CCDC68: variants seen among roughly 807,000 people sequenced by gnomAD.
The protein encoded by CCDC68 is coiled-coil domain-containing protein 68.
A neutral mutation model predicts 47.1 loss-of-function variants in CCDC68; 45 were observed. That is an observed-to-expected ratio of 0.96 (90% CI 0.75 to 1.23). The LOEUF is 1.23. CCDC68 is among the 50% of genes most tolerant of loss of function. The pLI is 0.00. For synonymous variants in CCDC68, 131 were observed against 129.5 expected (o/e 1.01, Z -0.08); for missense variants, 353 against 373.6 (o/e 0.94, Z 0.45).
At chr18:54,930,589 C>CCCTTCCTTCCTTCCTTCCTTCCTT (rs201155377) in intron 7 of CCDC68, among the ~76,000 whole-genome samples, 1 of 103,152 alleles carries the variant, frequency 9.7e-6, no homozygotes, top group African/African-American at 4.2e-5. Flanking sequence ...GATACTCACT[C>CCCTTCCTTCCTTCCTTCCTTCCTT]CCTTCCTTCC....
intron 1 of CCDC68, among the ~76,000 whole-genome samples, chr18:54,946,465 C>T (rs896355268): frequency 1.3e-5 from 2 of 152,116 alleles, no homozygotes; most frequent in African/African-American, 4.8e-5. Context: ...GATCTACAGT[C>T]CCATTTGACT....
intron 7 of CCDC68, among the ~76,000 whole-genome samples, chr18:54,931,479 T>A (rs376544302): frequency 6.6e-6 from 1 of 152,196 alleles, no homozygotes. Flanking sequence ...AAGTCTATCA[T>A]TTTTGTCCAG....
chr18:54,927,464 A>G (rs967832127), intron 8 of CCDC68, among the ~76,000 whole-genome samples: 2 of 151,690 alleles, frequency 1.3e-5, no homozygotes, highest in Non-Finnish European at 2.9e-5. Context: ...TTTTAAAGGA[A>G]AAAAAAAATC....
chr18:54,942,237 C>A (rs1328531676), intron 3 of CCDC68, among the ~76,000 whole-genome samples: 2 of 152,204 alleles, frequency 1.3e-5, no homozygotes, highest in Non-Finnish European at 2.9e-5. Flanking sequence ...CCCACAGTCA[C>A]TGGCAATAGT....
In CCDC68 at chr18:54,904,050, C is replaced by A; in HGVS notation, c.*308G>T. The stretch of plus-strand genomic sequence containing the variant: ...CAGAATTGACAATCTTAAAACAATC[C>A]CAGTAGAAAAAAAAATCTGAAAACA... On this transcript the variant is annotated 3_prime_UTR_variant, in exon 12 of 12. Transcript: ENST00000591504. 7.7e-6 allele frequency: 2 copies of A among 258,696 alleles called. No homozygotes were observed. The highest frequency in any genetic ancestry group is 7.3e-6 in the Non-Finnish European group (1 of 137,158). 16.0% of individuals were successfully genotyped at this position (258,696 alleles called of 1,614,324 possible).
At position 54,928,876 on chromosome 18, in the gene CCDC68, T is replaced by C; in HGVS notation, c.607A>G (p.Arg203Gly). The change falls in exon 8 of 12, where the codon AGA (arginine) becomes GGA (glycine). Residue 203 changes from arginine (R) to glycine (G), a missense_variant. Coordinates refer to ENST00000591504, the MANE Select transcript of CCDC68 (RefSeq NM_025214.3). ...GACAGTTTTCTTTCTAGTAGTGTTC[T>C]CTTTTCCTAGGAGAAAATAAGATAC... ...NLVQRMEKEK[R>G]TLLERKLSLE... 6.3e-7 allele frequency: 1 copy of C among 1,599,756 alleles called. No homozygotes were observed. The highest frequency in any genetic ancestry group is 8.6e-7 in the Non-Finnish European group (1 of 1,167,102).
chr18:54,929,691 G>A (rs746736123), intron 7 of CCDC68, among the ~76,000 whole-genome samples: 12 of 152,172 alleles, frequency 7.9e-5, no homozygotes, highest in South Asian at 6.2e-4. Context: ...TGGAAGAGGC[G>A]TGCCGAAACC....
intron 3 of CCDC68, among the ~76,000 whole-genome samples, 176 bp downstream of exon 3, chr18:54,942,499 C>T (rs1451127476): frequency 6.6e-6 from 1 of 152,154 alleles, no homozygotes; most frequent in Non-Finnish European, 1.5e-5. Flanking sequence ...GTTTCGTATC[C>T]TCAAGAGAAA....
chr18:54,944,669 A>G (rs1319132937), intron 2 of CCDC68, among the ~76,000 whole-genome samples: 2 of 152,218 alleles, frequency 1.3e-5, no homozygotes, highest in Non-Finnish European at 2.9e-5. Context: ...TATATGAACT[A>G]TATTTCATAG....
intron 1 of CCDC68, among the ~76,000 whole-genome samples, chr18:54,950,365 A>T (rs371523537): frequency 6.6e-6 from 1 of 152,240 alleles, no homozygotes; most frequent in Non-Finnish European, 1.5e-5. Flanking sequence ...CATGTCCTGA[A>T]TACTAAATAG....
At chr18:54,937,269 C>T (rs1473597783) in intron 5 of CCDC68, 4 of 232,050 alleles carry the variant, frequency 1.7e-5, no homozygotes, top group Non-Finnish European at 2.5e-5. Context: ...TCAGCTTATA[C>T]ACTTATTTGC....
intron 7 of CCDC68, among the ~76,000 whole-genome samples, chr18:54,931,347 G>A (rs934644187): frequency 1.3e-5 from 2 of 152,122 alleles, no homozygotes; most frequent in African/African-American, 2.4e-5. Flanking sequence ...CCACACAGTG[G>A]GCAACCCCAC....
At position 54,919,252 on chromosome 18, in the gene CCDC68, T is replaced by C. The variant is rs2044010309; in HGVS notation, c.789+19A>G. 2 of 1,589,108 alleles carry C rather than the reference T, an allele frequency of 1.3e-6. No individual in the cohort carries two copies. The highest frequency in any genetic ancestry group is 1.7e-6 in the Non-Finnish European group (2 of 1,157,266). On this transcript the variant is annotated intron_variant, in intron 9 of 11. Transcript: ENST00000591504. ...GTAAACATACTGTCTACCAGATAAA[T>C]ACACTTGATTAATCTGACCTCCTGG...
At chr18:54,919,406 G>A (rs369159773) in intron 8 of CCDC68, 30 bp from the exon 9 acceptor site, 6 of 1,503,332 alleles carry the variant, frequency 4.0e-6, no homozygotes, top group Non-Finnish European at 4.6e-6. Flanking sequence ...AAGACCAAGA[G>A]AAAATGATTG....
At chr18:54,936,721 T>G in intron 6 of CCDC68, 112 bp downstream of exon 6, 1 of 1,326,482 alleles carries the variant, frequency 7.5e-7, no homozygotes, top group Non-Finnish European at 1.1e-6. Context: ...CCAAGTCTTT[T>G]GCCAAGTCAC....
chr18:54,919,381 G>C lies in CCDC68; in HGVS notation c.684-5C>G. The stretch of plus-strand genomic sequence containing the variant: ...TCCCTCTGAAGATCCTGGCAACTGG[G>C]AATGCAAAGGGAAAAAGACCAAGAG... On this transcript the variant is annotated splice_polypyrimidine_tract_variant and splice_region_variant and intron_variant, in intron 8 of 11. Transcript: ENST00000591504. 6.2e-7 allele frequency: 1 copy of C among 1,600,140 alleles called. No homozygotes were observed. The highest frequency in any genetic ancestry group is 8.6e-7 in the Non-Finnish European group (1 of 1,167,384).
At chr18:54,919,173 A>G in intron 9 of CCDC68, 98 bp downstream of exon 9, 2 of 876,600 alleles carry the variant, frequency 2.3e-6, no homozygotes, top group Non-Finnish European at 3.8e-6. Flanking sequence ...GTAGGGAGAG[A>G]AATCTCATTG....
rs560287875 is a variant in CCDC68 at position 54,949,306 on chromosome 18, T to C, written c.-102-3829A>G. Among the ~76,000 whole-genome samples, 4 of 152,342 alleles carry C rather than the reference T, an allele frequency of 2.6e-5. No individual in the cohort carries two copies. The South Asian group carries it at 8.3e-4, about 32-fold the overall frequency. ...CCACAGCACCCGGTCCCTAGAGCAG[T>C]ATTCTAAGAAAACCACGGCACATAG... is the stretch of plus-strand genomic sequence containing the variant. On this transcript the variant is annotated intron_variant, in intron 1 of 11. Coordinates refer to ENST00000591504, the MANE Select transcript of CCDC68 (RefSeq NM_025214.3).
intron 7 of CCDC68, among the ~76,000 whole-genome samples, chr18:54,931,074 A>G (rs1310511089): frequency 7.2e-5 from 11 of 151,984 alleles, no homozygotes; most frequent in African/African-American, 2.7e-4. Context: ...AAAACACACC[A>G]CAGATAATGT....
Sources: allele counts gnomAD v4.1 joint callset (sites outside exome capture counted in the v4.1 genomes callset), GRCh38; gene constraint gnomAD v4.1.1; transcripts MANE v1.5; gene names NCBI Gene and HGNC (gene_info 2026-07-23, HGNC 2026-07-21).